The following GCA variants were observed in gnomAD, a reference collection of about 807,000 sequenced individuals.
The protein encoded by GCA is grancalcin, EF-hand calcium-binding protein.
A neutral mutation model predicts 32.6 loss-of-function variants in GCA; 30 were observed. The observed-to-expected ratio is 0.92, with a 90% confidence interval of 0.69 to 1.25. The LOEUF (loss-of-function observed/expected upper bound fraction) is 1.25, where lower values mean the gene tolerates loss of function less well. GCA is among the 50% of genes most tolerant of loss of function. The probability of loss-of-function intolerance (pLI) is 0.00; values close to 1 mark genes in which losing one functional copy is unlikely to be tolerated. For synonymous variants in GCA, 102 were observed against 84.6 expected (o/e 1.21, Z -1.13); for missense variants, 291 against 266.8 (o/e 1.09, Z -0.63).
downstream of GCA, among the ~76,000 whole-genome samples, chr2:162,374,711 T>G (rs1025325743): frequency 9.2e-5 from 14 of 152,078 alleles, no homozygotes; most frequent in African/African-American, 3.4e-4. Flanking sequence ...AGAAAATATC[T>G]TCTTTTTTTT....
At position 162,362,155 on chromosome 2, in the gene GCA, C is replaced by T. The variant is rs1558906617; in HGVS notation, c.*1912C>T. The T allele has an allele frequency of 1.0e-6, 1 of 984,554 alleles. No individual in the cohort carries two copies. 61.0% of individuals were successfully genotyped at this position (984,554 alleles called of 1,614,324 possible). ...ATTTAGAAACTCTCACTTTCTAAAG[C>T]TTGACAAGGTATATTAGCATCTGAA... On this transcript the variant is annotated 3_prime_UTR_variant, in exon 8 of 8. Transcript: ENST00000437150.
chr2:162,372,440 A>G (rs1322259970), downstream of GCA, among the ~76,000 whole-genome samples: 3 of 152,156 alleles, frequency 2.0e-5, no homozygotes, highest in African/African-American at 7.2e-5. Flanking sequence ...GATGAATAAG[A>G]GGGTATAAGG....
intron 2 of GCA, among the ~76,000 whole-genome samples, chr2:162,350,319 A>G (rs965144854): frequency 6.6e-6 from 1 of 152,168 alleles, no homozygotes; most frequent in Admixed American, 6.5e-5. Flanking sequence ...CAGGCTTGAG[A>G]TAAAGACCTA....
intron 1 of GCA, chr2:162,319,282 A>G: frequency 2.2e-6 from 1 of 456,276 alleles, no homozygotes; most frequent in Non-Finnish European, 4.4e-6. Context: ...TCATATTTAG[A>G]TTGCTGGTAT....
At position 162,360,429 on chromosome 2, in the gene GCA, G is replaced by T; in HGVS notation, c.*186G>T. On this transcript the variant is annotated 3_prime_UTR_variant, in exon 8 of 8. Transcript: ENST00000437150. ...TAAAAGATTTCTTTTTTAATTTGAG[G>T]TATTACTGCTTTTGGAAAAGTTATT... 3.4e-6 allele frequency: 4 copies of T among 1,182,166 alleles called. No individual in the cohort carries two copies. In the South Asian group the frequency reaches 1.0e-4, roughly 30 times the overall value. 73.2% of individuals were successfully genotyped at this position (1,182,166 alleles called of 1,614,324 possible). A position where few individuals can be genotyped will look rare whatever the true frequency, so the allele number is the denominator to read the frequency against.
intron 1 of GCA, among the ~76,000 whole-genome samples, chr2:162,344,817 C>G (rs1001958050): frequency 6.6e-6 from 1 of 152,136 alleles, no homozygotes. Flanking sequence ...CCTGCATCAC[C>G]TTTGGGAGTT....
chr2:162,373,216 T>C (rs1009509452), downstream of GCA, among the ~76,000 whole-genome samples: 2 of 152,016 alleles, frequency 1.3e-5, no homozygotes, highest in Non-Finnish European at 2.9e-5. Flanking sequence ...AAGGTTTTCC[T>C]TTTAAAAAAA....
chr2:162,330,427 T>C (rs139013304), intron 1 of GCA, among the ~76,000 whole-genome samples: 4 of 152,230 alleles, frequency 2.6e-5, no homozygotes, highest in Non-Finnish European at 5.9e-5. Flanking sequence ...GTATGAATAT[T>C]AAAATAAAAG....
rs144750338 is a variant in GCA, at chr2:162,362,574, C to T, written c.*2331C>T. The T allele has an allele frequency of 2.1e-6, 2 of 940,028 alleles. No homozygotes were observed. The highest frequency in any genetic ancestry group is 1.2e-4 in the East Asian group (1 of 8,584). 58.2% of individuals were successfully genotyped at this position (940,028 alleles called of 1,614,324 possible). A position where few individuals can be genotyped will look rare whatever the true frequency, so the allele number is the denominator to read the frequency against. On this transcript the variant is annotated 3_prime_UTR_variant, in exon 8 of 8. Transcript: ENST00000437150. ...TAATGTATAAGTGCTTTTATTTATA[C>T]AGTAAACATGTTTCCATGTCATTTT...
At chr2:162,366,787 G>A (rs1188737218), downstream of GCA, among the ~76,000 whole-genome samples, 1 of 151,934 alleles carries the variant, frequency 6.6e-6, no homozygotes, top group East Asian at 1.9e-4. Context: ...GTGGACAAAA[G>A]CAATATTTAA....
rs1388342746 is a variant in GCA, at chr2:162,360,645, A to T, written c.*402A>T. On this transcript the variant is annotated 3_prime_UTR_variant, in exon 8 of 8. Coordinates refer to ENST00000437150, the MANE Select transcript of GCA (RefSeq NM_012198.5). Reference sequence around the variant, plus strand: ...TGAAGGTTACAAATTAGACTTTTAAATTTTCTTTGTAGTTGGTGGTGTTTG... The same window carrying T: ...TGAAGGTTACAAATTAGACTTTTAATTTTTCTTTGTAGTTGGTGGTGTTTG... 7.2e-6 allele frequency: 9 copies of T among 1,253,606 alleles called. No homozygotes were observed. The highest frequency in any genetic ancestry group is 3.2e-5 in the South Asian group (1 of 31,332). 77.7% of individuals were successfully genotyped at this position (1,253,606 alleles called of 1,614,324 possible).
At chr2:162,332,970 G>T (rs1684149955) in intron 1 of GCA, among the ~76,000 whole-genome samples, 1 of 151,930 alleles carries the variant, frequency 6.6e-6, no homozygotes, top group African/African-American at 2.4e-5. Flanking sequence ...ATGCATTTTT[G>T]GAAAGGCGTT....
rs529452969 is a variant in GCA, at chr2:162,362,289, G to A, written c.*2046G>A. 2.4e-5 allele frequency: 24 copies of A among 984,336 alleles called. No homozygotes were observed. The highest frequency in any genetic ancestry group is 1.6e-4 in the African/African-American group (9 of 57,194). 61.0% of individuals were successfully genotyped at this position (984,336 alleles called of 1,614,324 possible). A position where few individuals can be genotyped will look rare whatever the true frequency, so the allele number is the denominator to read the frequency against. On this transcript the variant is annotated 3_prime_UTR_variant, in exon 8 of 8. Coordinates refer to ENST00000437150, the MANE Select transcript of GCA (RefSeq NM_012198.5). ...CTAGCAAAACCTAACATTCTATGCC[G>A]ATCCAACTTAATTGCCAGGCAACTC...
intron 3 of GCA, among the ~76,000 whole-genome samples, chr2:162,353,080 TTAGA>T (rs1345355367): frequency 2.0e-5 from 3 of 152,184 alleles, no homozygotes; most frequent in Admixed American, 1.3e-4. Context: ...TTCTCTTGAG[TTAGA>T]TCTCCTTTTT....
chr2:162,326,180 C>A (rs373042964), intron 1 of GCA, among the ~76,000 whole-genome samples: 5 of 152,266 alleles, frequency 3.3e-5, no homozygotes, highest in Admixed American at 1.3e-4. Context: ...ACATTGTCAG[C>A]AAAGGTCTGG....
intron 1 of GCA, among the ~76,000 whole-genome samples, chr2:162,324,199 A>G (rs1683791516): frequency 6.6e-6 from 1 of 152,186 alleles, no homozygotes; most frequent in Non-Finnish European, 1.5e-5. Context: ...TAACAAGCTC[A>G]GTTAGACCCT....
chr2:162,333,701 G>A (rs1021568877), intron 1 of GCA, among the ~76,000 whole-genome samples: 1 of 152,130 alleles, frequency 6.6e-6, no homozygotes, highest in Non-Finnish European at 1.5e-5. Context: ...AAGGATTTAT[G>A]ATTTTTAATA....
upstream of GCA, among the ~76,000 whole-genome samples, chr2:162,342,054 A>C (rs535853461): frequency 6.6e-6 from 1 of 152,370 alleles, no homozygotes; most frequent in Non-Finnish European, 1.5e-5. Flanking sequence ...TGACATTTTC[A>C]TAAAATGCTA....
At chr2:162,355,633 T>G (rs1295632681) in intron 3 of GCA, among the ~76,000 whole-genome samples, 1 of 151,972 alleles carries the variant, frequency 6.6e-6, no homozygotes, top group Non-Finnish European at 1.5e-5. Flanking sequence ...ATTAGAAAAA[T>G]TGAATTTTAT....
Sources: allele counts gnomAD v4.1 joint callset (sites outside exome capture counted in the v4.1 genomes callset), GRCh38; gene constraint gnomAD v4.1.1; transcripts MANE v1.5; gene names NCBI Gene and HGNC (gene_info 2026-07-23, HGNC 2026-07-21).